The following IGF2BP3 variants were observed in gnomAD, a reference collection of about 807,000 sequenced individuals.
IGF2BP3 encodes insulin-like growth factor 2 mRNA-binding protein 3.
A neutral mutation model predicts 73.8 loss-of-function variants in IGF2BP3; 9 were observed. That is an observed-to-expected ratio of 0.12 (90% CI 0.07 to 0.21). IGF2BP3 has a LOEUF of 0.21. Ranked by LOEUF, IGF2BP3 falls within the 10% of genes least tolerant of loss-of-function variation. The pLI, the probability that IGF2BP3 is intolerant of heterozygous loss-of-function variation, is 1.00. For synonymous variants in IGF2BP3, 258 were observed against 256.7 expected (o/e 1.01, Z -0.05); for missense variants, 542 against 714.0 (o/e 0.76, Z 2.75).
At chr7:23,371,807 A>G (rs953542823) in intron 3 of IGF2BP3, among the ~76,000 whole-genome samples, 3 of 152,158 alleles carry the variant, frequency 2.0e-5, no homozygotes, top group African/African-American at 7.2e-5. Flanking sequence ...GGAGGAGATG[A>G]TGCTTTAGGA....
chr7:23,322,196 C>G (rs1446612062), intron 10 of IGF2BP3, among the ~76,000 whole-genome samples: 1 of 152,062 alleles, frequency 6.6e-6, no homozygotes, highest in East Asian at 1.9e-4. Flanking sequence ...GAATGTATAA[C>G]TAGAATAACC....
intron 12 of IGF2BP3, 135 bp downstream of exon 12, chr7:23,317,504 G>A: frequency 1.5e-6 from 1 of 673,130 alleles, no homozygotes; most frequent in South Asian, 1.9e-5. Flanking sequence ...TTTTGAGTGT[G>A]ATTCTACTCA....
intron 2 of IGF2BP3, among the ~76,000 whole-genome samples, chr7:23,435,401 T>G (rs1013437413): frequency 2.7e-5 from 4 of 150,356 alleles, no homozygotes; most frequent in Admixed American, 1.3e-4. Context: ...ACAGAAACAC[T>G]GTCAGCAACA....
chr7:23,342,279 T>G, intron 9 of IGF2BP3, 90 bp from the exon 10 acceptor site: 130 of 1,364,130 alleles, frequency 9.5e-5, no homozygotes, highest in Non-Finnish European at 1.2e-4. Context: ...AACTGATCTC[T>G]TGTCTAATAA....
intron 10 of IGF2BP3, among the ~76,000 whole-genome samples, chr7:23,330,265 G>T (rs1784410375): frequency 6.6e-6 from 1 of 151,412 alleles, no homozygotes; most frequent in East Asian, 1.9e-4. Flanking sequence ...CAGCCCGGGT[G>T]ACAGTACAAG....
intron 5 of IGF2BP3, among the ~76,000 whole-genome samples, chr7:23,355,213 CTTTTTATTTT>C (rs1035967953): frequency 2.7e-5 from 4 of 145,834 alleles, no homozygotes; most frequent in African/African-American, 1.1e-4. Context: ...CTGGTTTTGT[CTTTTTATTTT>C]TATTTTTTTT....
intron 3 of IGF2BP3, among the ~76,000 whole-genome samples, chr7:23,398,217 C>T (rs1786540809): frequency 6.6e-6 from 1 of 152,146 alleles, no homozygotes; most frequent in Non-Finnish European, 1.5e-5. Flanking sequence ...CCAGTTTCAT[C>T]CATGTTCCTA....
In IGF2BP3 at chr7:23,316,327, G is replaced by A. The variant is rs140618812; in HGVS notation, c.1395+1312C>T. ...TTTGTTTGATTTAAGGGAGAGAGGT[G>A]GGGTGGGGAGAGAACTGTATGCACT... is the stretch of plus-strand genomic sequence containing the variant. On this transcript the variant is annotated intron_variant, in intron 12 of 14. Coordinates refer to ENST00000258729, the MANE Select transcript of IGF2BP3 (RefSeq NM_006547.3). 1.2e-4 allele frequency among the ~76,000 whole-genome samples: 18 copies of A among 152,224 alleles called. No individual in the cohort carries two copies. The East Asian group carries it at 2.9e-3, about 24-fold the overall frequency.
At chr7:23,437,084 A>G (rs1264426667) in intron 2 of IGF2BP3, among the ~76,000 whole-genome samples, 1 of 152,004 alleles carries the variant, frequency 6.6e-6, no homozygotes. Flanking sequence ...GTGCGACTGC[A>G]CTCCAGCCTG....
At chr7:23,405,072 G>A (rs926667621) in intron 3 of IGF2BP3, 1 of 152,150 alleles carries the variant, frequency 6.6e-6, no homozygotes, top group African/African-American at 2.4e-5. Flanking sequence ...TCTTTTAAGA[G>A]GGTAAGTCCT....
chr7:23,373,161 T>G (rs923863723), intron 3 of IGF2BP3, among the ~76,000 whole-genome samples: 1 of 152,250 alleles, frequency 6.6e-6, no homozygotes, highest in Non-Finnish European at 1.5e-5. Context: ...CCCTTGCTCA[T>G]GTTCCAAGTA....
chr7:23,445,803 G>C (rs1024727817), intron 2 of IGF2BP3, among the ~76,000 whole-genome samples: 4 of 152,102 alleles, frequency 2.6e-5, no homozygotes, highest in Non-Finnish European at 5.9e-5. Context: ...ACATACAATA[G>C]TTATGTTTAA....
At chr7:23,337,281 T>C (rs1294827304) in intron 10 of IGF2BP3, among the ~76,000 whole-genome samples, 1 of 152,208 alleles carries the variant, frequency 6.6e-6, no homozygotes, top group African/African-American at 2.4e-5. Flanking sequence ...TTTACTCTAA[T>C]TGTATCCAGG....
chr7:23,436,740 T>A (rs977034705), intron 2 of IGF2BP3, among the ~76,000 whole-genome samples: 1 of 152,250 alleles, frequency 6.6e-6, no homozygotes, highest in African/African-American at 2.4e-5. Flanking sequence ...ATTGTTACAT[T>A]AGACAGTGTT....
chr7:23,332,079 T>G (rs1183239367), intron 10 of IGF2BP3, among the ~76,000 whole-genome samples: 1 of 151,856 alleles, frequency 6.6e-6, no homozygotes, highest in East Asian at 1.9e-4. Flanking sequence ...AAGGGGGAAA[T>G]CCGCCCCCAT....
intron 2 of IGF2BP3, among the ~76,000 whole-genome samples, chr7:23,464,667 G>A (rs1000130312): frequency 1.5e-4 from 23 of 150,524 alleles, no homozygotes; most frequent in African/African-American, 5.4e-4. Context: ...CTGGGCAACA[G>A]AGAGAGACTC....
At chr7:23,442,721 C>T (rs1038443790) in intron 2 of IGF2BP3, among the ~76,000 whole-genome samples, 2 of 152,036 alleles carry the variant, frequency 1.3e-5, no homozygotes, top group African/African-American at 2.4e-5. Flanking sequence ...TTTAAAATAA[C>T]AAGAAATAAC....
At chr7:23,435,426 ACT>A (rs1381426644) in intron 2 of IGF2BP3, among the ~76,000 whole-genome samples, 1 of 151,200 alleles carries the variant, frequency 6.6e-6, no homozygotes, top group African/African-American at 2.4e-5. Context: ...GACCTGGGAA[ACT>A]CTCCAGCACA....
intron 2 of IGF2BP3, among the ~76,000 whole-genome samples, chr7:23,419,862 A>T (rs1787295613): frequency 6.6e-6 from 1 of 152,210 alleles, no homozygotes; most frequent in Admixed American, 6.5e-5. Context: ...CAAAAAAATA[A>T]AAAATAAGAC....
Sources: allele counts gnomAD v4.1 joint callset (sites outside exome capture counted in the v4.1 genomes callset), GRCh38; gene constraint gnomAD v4.1.1; transcripts MANE v1.5; gene names NCBI Gene and HGNC (gene_info 2026-07-23, HGNC 2026-07-21).